Variants in COL4A6 observed in about 807,000 individuals in gnomAD.
The protein encoded by COL4A6 is collagen type IV alpha 6 chain.
Under a neutral mutation model 126.7 loss-of-function variants are expected in COL4A6, and 59 were observed. The ratio of observed to expected loss-of-function variants is 0.47; its 90% confidence interval spans 0.38 to 0.58. COL4A6 has a LOEUF of 0.58. COL4A6 is among the 20% of genes least tolerant of loss of function. The pLI is 0.00. For synonymous variants in COL4A6, 547 were observed against 496.6 expected (o/e 1.10, Z -1.35); for missense variants, 1,285 against 1,337.3 (o/e 0.96, Z 0.61).
rs756303853 is a variant in COL4A6 at position 108,175,110 on chromosome X, T to C, written c.2936A>G (p.Asn979Ser). 1.8e-5 allele frequency: 21 copies of C among 1,198,662 alleles called. No homozygotes were observed. The highest frequency in any genetic ancestry group is 4.5e-5 in the Admixed American group (2 of 44,341). Residue 979 changes from asparagine (N) to serine (S), a missense_variant, in exon 30 of 45, where the codon AAT becomes AGT. By Grantham distance (46) the Asn-to-Ser change is conservative (BLOSUM62 1). Transcript: ENST00000334504. ...DKGSQGSAGS[N>S]GFPGPRGDKG... ...AGCACCTCTTGGCCCAGGAAATCCATTGGATCCGGCTGAGCCTTGAGAGCC... is the reference window on the plus strand; with the variant it reads ...AGCACCTCTTGGCCCAGGAAATCCACTGGATCCGGCTGAGCCTTGAGAGCC...
intron 2 of COL4A6, among the ~76,000 whole-genome samples, chrX:108,317,159 G>T (rs1408042631): frequency 8.9e-6 from 1 of 112,075 alleles, no homozygotes; most frequent in African/African-American, 3.2e-5. Context: ...ATGATTCTAG[G>T]TATGTTTTAA....
At chrX:108,432,606 C>T (rs970238398) in intron 2 of COL4A6, among the ~76,000 whole-genome samples, 1 of 111,299 alleles carries the variant, frequency 9.0e-6, no homozygotes, top group Admixed American at 9.5e-5. Context: ...GAGGCCGAGG[C>T]GGGTGGATCA....
At chrX:108,403,050 A>G (rs1380050073) in intron 2 of COL4A6, among the ~76,000 whole-genome samples, 1 of 111,539 alleles carries the variant, frequency 9.0e-6, no homozygotes, top group African/African-American at 3.2e-5. Context: ...ATCTTCCTCT[A>G]AGATAGCAGA....
intron 26 of COL4A6, 57 bp downstream of exon 26, chrX:108,179,160 A>G: frequency 9.5e-7 from 1 of 1,049,991 alleles, no homozygotes; most frequent in Non-Finnish European, 1.3e-6. Context: ...ATGGAAGTAT[A>G]CGAATTAATA....
chrX:108,182,435 T>C (rs2034716533), intron 23 of COL4A6, among the ~76,000 whole-genome samples: 1 of 112,533 alleles, frequency 8.9e-6, no homozygotes, highest in African/African-American at 3.2e-5. Context: ...TCTACAGTTA[T>C]ATTTCCAGAG....
intron 2 of COL4A6, among the ~76,000 whole-genome samples, chrX:108,421,008 A>G (rs1332720358): frequency 8.9e-6 from 1 of 112,397 alleles, no homozygotes; most frequent in Non-Finnish European, 1.9e-5. Context: ...ATATCTCTAT[A>G]TAATTTAACG....
intron 2 of COL4A6, among the ~76,000 whole-genome samples, chrX:108,419,612 T>C (rs1329253827): frequency 1.8e-5 from 2 of 111,921 alleles, no homozygotes; most frequent in Non-Finnish European, 3.8e-5. Context: ...TATAAAACAG[T>C]CTATAAGTCA....
intron 1 of COL4A6, 45 bp downstream of exon 1, chrX:108,438,141 C>G (rs1401035393): frequency 8.3e-7 from 1 of 1,210,241 alleles, no homozygotes; most frequent in Non-Finnish European, 1.1e-6. Flanking sequence ...GCAAAGTAAC[C>G]CGAAGTAAGA....
At chrX:108,344,570 A>G (rs1160674266) in intron 2 of COL4A6, among the ~76,000 whole-genome samples, 1 of 111,573 alleles carries the variant, frequency 9.0e-6, no homozygotes, top group Non-Finnish European at 1.9e-5. Context: ...GATACTTTTC[A>G]TTTTTTTTGA....
intron 2 of COL4A6, among the ~76,000 whole-genome samples, chrX:108,388,650 T>A (rs1308918412): frequency 8.9e-6 from 1 of 111,761 alleles, no homozygotes; most frequent in Non-Finnish European, 1.9e-5. Flanking sequence ...ATTTTGTTGA[T>A]CTTTTCAAAA....
At chrX:108,218,472 G>A (rs1319226725) in intron 5 of COL4A6, among the ~76,000 whole-genome samples, 4 of 112,403 alleles carry the variant, frequency 3.6e-5, no homozygotes, top group Non-Finnish European at 7.5e-5. Flanking sequence ...TCTGATGGCC[G>A]ATTTGTTGAT....
intron 2 of COL4A6, among the ~76,000 whole-genome samples, chrX:108,328,445 G>A (rs973957203): frequency 9.1e-6 from 1 of 110,420 alleles, no homozygotes; most frequent in Non-Finnish European, 1.9e-5. Context: ...AAGAGAGAGA[G>A]AGAAATGGAA....
chrX:108,277,920 C>T (rs1419312430), intron 3 of COL4A6, among the ~76,000 whole-genome samples: 3 of 112,397 alleles, frequency 2.7e-5, no homozygotes, highest in Non-Finnish European at 5.6e-5. Context: ...AGCAGACCTG[C>T]AGCTGAGGGT....
chrX:108,169,183 T>C (rs2034220117), intron 37 of COL4A6, among the ~76,000 whole-genome samples: 1 of 111,514 alleles, frequency 9.0e-6, no homozygotes, highest in Non-Finnish European at 1.9e-5. Flanking sequence ...ACAAGCCCTG[T>C]CCCTCAGGAC....
intron 13 of COL4A6, among the ~76,000 whole-genome samples, chrX:108,199,839 G>C (rs1198905656): frequency 9.0e-6 from 1 of 111,622 alleles, no homozygotes; most frequent in Non-Finnish European, 1.9e-5. Flanking sequence ...CACCACGGCA[G>C]GGATTAGAGC....
chrX:108,217,957 A>G (rs190729684), intron 5 of COL4A6, among the ~76,000 whole-genome samples: 2 of 112,020 alleles, frequency 1.8e-5, no homozygotes, highest in African/African-American at 6.5e-5. Flanking sequence ...TAAGCTCATT[A>G]AGAGGGGTCT....
chrX:108,228,368 CTT>C (rs1335764500), intron 3 of COL4A6, among the ~76,000 whole-genome samples: 1 of 112,220 alleles, frequency 8.9e-6, no homozygotes, highest in Non-Finnish European at 1.9e-5. Flanking sequence ...TAATTAAACA[CTT>C]TTCATCTCAT....
chrX:108,386,468 C>A (rs944307289), intron 2 of COL4A6, among the ~76,000 whole-genome samples: 4 of 112,186 alleles, frequency 3.6e-5, no homozygotes, highest in African/African-American at 1.3e-4. Flanking sequence ...CTCTAATGAC[C>A]AGTGATGATG....
chrX:108,180,078 G>C (rs2034636766), intron 25 of COL4A6, among the ~76,000 whole-genome samples: 1 of 110,818 alleles, frequency 9.0e-6, no homozygotes, highest in African/African-American at 3.3e-5. Context: ...TGGAACAAGA[G>C]AGTGTGAGAA....
Sources: gnomAD v4.1 joint callset for allele counts (sites outside exome capture counted in the v4.1 genomes callset) on GRCh38, gnomAD v4.1.1 for gene constraint, MANE v1.5 for transcripts, NCBI Gene and HGNC (gene_info 2026-07-23, HGNC 2026-07-21) for gene names.